Variants in TM2D3 observed in about 807,000 individuals in gnomAD.
The protein encoded by TM2D3 is TM2 domain containing 3.
TM2D3 carries 33 observed loss-of-function variants against 27.3 expected under a neutral mutation model. That is an observed-to-expected ratio of 1.21 (90% CI 0.92 to 1.61). The LOEUF is 1.61. TM2D3 is among the 40% of genes most tolerant of loss of function. The pLI is 0.00. For synonymous variants in TM2D3, 138 were observed against 122.2 expected, an observed-to-expected ratio of 1.13 and a Z score of -0.85; for missense variants, 364 against 320.8, an observed-to-expected ratio of 1.13 and a Z score of -1.03.
chr15:101,651,873 G>A, intron 1 of TM2D3, 100 bp from the exon 2 acceptor site: 3 of 1,238,482 alleles, frequency 2.4e-6, no homozygotes, highest in Non-Finnish European at 2.4e-6. Context: ...AGGCCAATAA[G>A]CTGCTCATGA....
At chr15:101,646,694 T>C in intron 4 of TM2D3, 31 bp downstream of exon 4, 1 of 1,613,564 alleles carries the variant, frequency 6.2e-7, no homozygotes, top group African/African-American at 1.3e-5. Context: ...AAAAACATTT[T>C]GTTGACAAAT....
intron 4 of TM2D3, 31 bp downstream of exon 4, chr15:101,646,694 T>G: frequency 6.2e-7 from 1 of 1,613,564 alleles, no homozygotes. Context: ...AAAAACATTT[T>G]GTTGACAAAT....
At position 101,642,061 on chromosome 15, in the gene TM2D3, C is replaced by A; in HGVS notation, c.*418G>T. 1.8e-5 allele frequency: 18 copies of A among 987,342 alleles called. No individual in the cohort carries two copies. The highest frequency in any genetic ancestry group is 2.0e-5 in the Non-Finnish European group (17 of 830,996). 61.2% of individuals were successfully genotyped at this position (987,342 alleles called of 1,614,324 possible). A position where few individuals can be genotyped will look rare whatever the true frequency, so the allele number is the denominator to read the frequency against. On this transcript the variant is annotated 3_prime_UTR_variant, in exon 6 of 6. Transcript: ENST00000333202. ...TTAGCCAACAACAGAAACACTCCCA[C>A]TTCCTGCAGTCACAGCAATTAGCTA...
chr15:101,651,610 G>A (rs1896970364), intron 2 of TM2D3, 86 bp downstream of exon 2: 2 of 1,310,408 alleles, frequency 1.5e-6, no homozygotes, highest in Non-Finnish European at 2.2e-6. Context: ...AAGTGACTTC[G>A]TATACTAAAG....
At chr15:101,645,191 A>G (rs766403260) in intron 4 of TM2D3, 29 bp from the exon 5 acceptor site, 1 of 1,548,620 alleles carries the variant, frequency 6.5e-7, no homozygotes, top group East Asian at 2.3e-5. Context: ...AGAAAAATAC[A>G]GGGTATAAAA....
At chr15:101,636,214 T>G (rs949236077) in intron 4 of TM2D3, 1 of 152,186 alleles carries the variant, frequency 6.6e-6, no homozygotes, top group African/African-American at 2.4e-5. Context: ...TGAATAATGG[T>G]GCTGTAAACG....
rs1896826335 is a variant in TM2D3 at position 101,646,846 on chromosome 15, A to C, written c.381T>G (p.Phe127Leu). The change falls in exon 4 of 6, where the codon TTT (phenylalanine) becomes TTG (leucine). Residue 127 changes from phenylalanine to leucine, a missense_variant. By Grantham distance (22) the Phe-to-Leu change is conservative. Transcript: ENST00000333202. ...AATCTGTTTCAGGAAGCTGCCAGCA[A>C]AATCTGCAAGTCATGTTAATGATGA... ...KNFIINMTCRFCWQLPETDYE... is the reference protein window; with the variant it reads ...KNFIINMTCRLCWQLPETDYE... 1 of 1,614,118 alleles carries C rather than the reference A, an allele frequency of 6.2e-7. No homozygotes were observed. The highest frequency in any genetic ancestry group is 8.5e-7 in the Non-Finnish European group (1 of 1,180,036).
chr15:101,633,773 T>A (rs1293441905), intron 4 of TM2D3: 13 of 1,479,000 alleles, frequency 8.8e-6, no homozygotes, highest in Non-Finnish European at 1.2e-5. Flanking sequence ...AACAATTAGT[T>A]CTTATGACAT....
intron 3 of TM2D3, chr15:101,648,414 A>G (rs1194376681): frequency 2.6e-5 from 4 of 152,242 alleles, no homozygotes; most frequent in Non-Finnish European, 5.9e-5. Context: ...CTGCAAAATA[A>G]TACGTTTACA....
At chr15:101,648,004 TCTC>T (rs1336919043) in intron 3 of TM2D3, among the ~76,000 whole-genome samples, 1 of 152,090 alleles carries the variant, frequency 6.6e-6, no homozygotes, top group Non-Finnish European at 1.5e-5. Flanking sequence ...TTCAAGCGAT[TCTC>T]CTGCCTCAGC....
At position 101,646,853 on chromosome 15, in the gene TM2D3, C is replaced by T. The variant is rs953306972; in HGVS notation, c.374G>A (p.Cys125Tyr). 6.2e-7 allele frequency: 1 copy of T among 1,614,176 alleles called. No homozygotes were observed. Among genetic ancestry groups the T allele is most frequent in the Non-Finnish European group, 8.5e-7 (1 of 1,180,028 alleles). ...TTCAGGAAGCTGCCAGCAAAATCTG[C>T]AAGTCATGTTAATGATGAAGTTCTT... ...SQKNFIINMT[C>Y]RFCWQLPETD... Residue 125 changes from cysteine (C) to tyrosine (Y), a missense_variant, in exon 4 of 6, where the codon TGC (cysteine) becomes TAC (tyrosine). Coordinates refer to ENST00000333202, the MANE Select transcript of TM2D3 (RefSeq NM_078474.3).
chr15:101,645,420 A>T (rs1457086538), intron 4 of TM2D3: 2 of 474,732 alleles, frequency 4.2e-6, no homozygotes, highest in Non-Finnish European at 7.6e-6. Flanking sequence ...TTACGAGTAT[A>T]TAAGACAGTG....
intron 5 of TM2D3, among the ~76,000 whole-genome samples, chr15:101,643,398 C>G (rs1896717601): frequency 6.6e-6 from 1 of 151,712 alleles, no homozygotes; most frequent in African/African-American, 2.4e-5. Flanking sequence ...GTCAGGAGAT[C>G]CAGACCATCC....
downstream of TM2D3, among the ~76,000 whole-genome samples, chr15:101,640,158 C>T (rs1257124178): frequency 6.6e-6 from 1 of 152,206 alleles, no homozygotes; most frequent in Non-Finnish European, 1.5e-5. Flanking sequence ...ACATGATGGA[C>T]TGAGTATTTG....
chr15:101,645,054 C>T (rs375543224), intron 5 of TM2D3, 33 bp downstream of exon 5: 137 of 1,585,112 alleles, frequency 8.6e-5, no homozygotes, highest in South Asian at 1.6e-4. Context: ...GAAATGCAAA[C>T]GGCCTTTTAC....
chr15:101,637,651 G>A (rs1255318376), downstream of TM2D3, among the ~76,000 whole-genome samples: 3 of 152,108 alleles, frequency 2.0e-5, no homozygotes, highest in East Asian at 1.9e-4. Flanking sequence ...GTCCTCAGTA[G>A]CTAACTGTAA....
chr15:101,636,876 C>T (rs909522963), downstream of TM2D3: 1 of 428,202 alleles, frequency 2.3e-6, no homozygotes, highest in Non-Finnish European at 4.7e-6. Context: ...CAGTGTCTCG[C>T]TCTGTGGCTC....
downstream of TM2D3, among the ~76,000 whole-genome samples, chr15:101,637,202 C>T (rs551919093): frequency 9.7e-4 from 147 of 152,294 alleles, no homozygotes; most frequent in African/African-American, 3.3e-3. Context: ...GTCTAAAGAC[C>T]TCTAATCAAC....
chr15:101,652,195 G>T, intron 1 of TM2D3, 76 bp downstream of exon 1: 2 of 1,351,584 alleles, frequency 1.5e-6, no homozygotes, highest in Non-Finnish European at 1.0e-6. Context: ...CCGCCCGTGG[G>T]CCCGGCCTCC....
Sources: allele counts gnomAD v4.1 joint callset (sites outside exome capture counted in the v4.1 genomes callset), GRCh38; gene constraint gnomAD v4.1.1; transcripts MANE v1.5; gene names NCBI Gene and HGNC (gene_info 2026-07-23, HGNC 2026-07-21).